XKR7: variants seen among roughly 807,000 people sequenced by gnomAD.
XKR7 encodes XK related 7.
XKR7 carries 11 observed loss-of-function variants against 42.2 expected under a neutral mutation model. The ratio of observed to expected loss-of-function variants is 0.26; its 90% confidence interval spans 0.16 to 0.43. The LOEUF (loss-of-function observed/expected upper bound fraction) is 0.43. XKR7 is among the 20% of genes least tolerant of loss of function. The probability of loss-of-function intolerance (pLI) is 1.00; values close to 1 mark genes in which losing one functional copy is unlikely to be tolerated. For missense variants in XKR7, 710 were observed against 802.2 expected (o/e 0.89, Z 1.39); for synonymous variants, 346 against 366.4 (o/e 0.94, Z 0.64).
chr20:31,986,938 G>A (rs956498791), intron 1 of XKR7, among the ~76,000 whole-genome samples: 3 of 126,958 alleles, frequency 2.4e-5, no homozygotes, highest in Non-Finnish European at 4.9e-5. Flanking sequence ...ACAAACAGAC[G>A]ACCAAGCAGA....
intron 1 of XKR7, among the ~76,000 whole-genome samples, chr20:31,974,071 T>C (rs566046638): frequency 1.2e-4 from 18 of 152,236 alleles, no homozygotes; most frequent in African/African-American, 4.3e-4. Context: ...TGCGCACCTG[T>C]AATCCCAGCT....
At chr20:31,986,799 G>A (rs2064543410) in intron 1 of XKR7, among the ~76,000 whole-genome samples, 2 of 122,742 alleles carry the variant, frequency 1.6e-5, no homozygotes, top group Admixed American at 8.7e-5. Flanking sequence ...CAGACAGACA[G>A]ACAGAGAGAC....
At position 31,968,733 on chromosome 20, in the gene XKR7, C is replaced by T. The variant is rs1202123672; in HGVS notation, c.558C>T (p.His186=). The change falls in exon 1 of 3, where the codon CAC becomes CAT. Residue 186 remains histidine, a synonymous_variant. Coordinates refer to ENST00000562532, the MANE Select transcript of XKR7 (RefSeq NM_001011718.2). The surrounding 1 kb of genome is among the most constrained non-coding windows in gnomAD (Gnocchi z 4.5). The part of the protein sequence containing the change: ...LCIWLLQTLV[H]LLQLGQVWRY... Reference sequence around the variant, plus strand: ...TCTGGCTGCTGCAGACCCTCGTCCACCTCCTGCAGCTCGGCCAGGTCTGGA... The same window carrying T: ...TCTGGCTGCTGCAGACCCTCGTCCATCTCCTGCAGCTCGGCCAGGTCTGGA... 8 of 1,544,794 alleles carry T rather than the reference C, an allele frequency of 5.2e-6. No individual in the cohort carries two copies. The African/African-American group carries it at 8.1e-5, about 16-fold the overall frequency.
chr20:31,974,214 A>G (rs6089135), intron 1 of XKR7, among the ~76,000 whole-genome samples: 17,436 of 152,042 alleles, frequency 0.11, 1,107 homozygotes, highest in Non-Finnish European at 0.14. Flanking sequence ...CATAAAAAAG[A>G]GAGAGAATAG....
intron 1 of XKR7, among the ~76,000 whole-genome samples, chr20:31,978,476 T>A (rs1374284223): frequency 6.6e-6 from 1 of 152,232 alleles, no homozygotes; most frequent in Non-Finnish European, 1.5e-5. Context: ...GTTGAGGAAA[T>A]GGGATAATGA....
At chr20:31,978,533 G>T (rs1018310397) in intron 1 of XKR7, among the ~76,000 whole-genome samples, 5 of 152,170 alleles carry the variant, frequency 3.3e-5, no homozygotes, top group Admixed American at 3.3e-4. Context: ...GGCCAACCTT[G>T]TTTTATCTAG....
At chr20:31,973,729 A>G (rs2064473950) in intron 1 of XKR7, among the ~76,000 whole-genome samples, 1 of 152,124 alleles carries the variant, frequency 6.6e-6, no homozygotes, top group African/African-American at 2.4e-5. Context: ...GCATGTTTGG[A>G]GATGCTGGTG....
chr20:31,974,391 G>A (rs1237937944), intron 1 of XKR7, among the ~76,000 whole-genome samples: 3 of 152,090 alleles, frequency 2.0e-5, no homozygotes, highest in African/African-American at 7.2e-5. Flanking sequence ...CTCTCCACTG[G>A]GGCCAGAGTT....
At chr20:31,981,979 C>T (rs1411347162) in intron 1 of XKR7, among the ~76,000 whole-genome samples, 1 of 152,244 alleles carries the variant, frequency 6.6e-6, no homozygotes, top group Non-Finnish European at 1.5e-5. Flanking sequence ...CTGACTGCCA[C>T]ACCCTTCCCA....
chr20:31,995,062 C>T lies in XKR7; in HGVS notation c.585-6C>T. ...CGGGAGCCTGAGCACCGCGTCCTTC[C>T]CGCAGGTACCTGCGCGCCCTGTACC... On this transcript the variant is annotated splice_polypyrimidine_tract_variant and splice_region_variant and intron_variant, in intron 1 of 2. Transcript: ENST00000562532. The surrounding 1 kb of genome is among the most constrained non-coding windows in gnomAD (Gnocchi z 4.1). 1.3e-6 allele frequency: 2 copies of T among 1,542,794 alleles called. No homozygotes were observed. The highest frequency in any genetic ancestry group is 2.0e-5 in the Admixed American group (1 of 50,492).
At chr20:31,978,946 C>G (rs937588661) in intron 1 of XKR7, among the ~76,000 whole-genome samples, 4 of 151,974 alleles carry the variant, frequency 2.6e-5, no homozygotes, top group Admixed American at 2.0e-4. Flanking sequence ...ACCAGCCTGG[C>G]CAACATGGTG....
rs1323188654 is a variant in XKR7 at position 31,998,790 on chromosome 20, G to C, written c.*1333G>C. 6.6e-6 allele frequency: 1 copy of C among 152,178 alleles called. No homozygotes were observed. The highest frequency in any genetic ancestry group is 6.5e-5 in the Admixed American group (1 of 15,286). 9.4% of individuals were successfully genotyped at this position (152,178 alleles called of 1,614,324 possible). A position where few individuals can be genotyped will look rare whatever the true frequency, so the allele number is the denominator to read the frequency against. On this transcript the variant is annotated 3_prime_UTR_variant, in exon 3 of 3. Coordinates refer to ENST00000562532, the MANE Select transcript of XKR7 (RefSeq NM_001011718.2). The stretch of plus-strand genomic sequence containing the variant: ...TGGCTCTCAGCCACTCTGCAAATGG[G>C]GCTCCCTGGAGCGGCATCTGGGAAA...
chr20:31,996,594 C>T lies in XKR7; in HGVS notation c.877C>T (p.Pro293Ser), dbSNP rs746853412. 8 of 1,551,646 alleles carry T rather than the reference C, an allele frequency of 5.2e-6. No homozygotes were observed. Among genetic ancestry groups the T allele is most frequent in the Non-Finnish European group, 7.0e-6 (8 of 1,151,038 alleles). Residue 293 changes from proline (P) to serine (S), a missense_variant, in exon 3 of 3, where the codon CCG (proline) becomes TCG (serine). Pro to Ser is a moderately conservative substitution (Grantham distance 74, BLOSUM62 -1). This residue lies in a region of XKR7 where 708 missense variants were observed against 786.2 expected (regional missense o/e 0.90). Transcript: ENST00000562532. ...GCGGGACTCGCGGGACGACAAGCGGCCGCTGTCCTACAAGGGCGCCGTGGC... is the reference window on the plus strand; with the variant it reads ...GCGGGACTCGCGGGACGACAAGCGGTCGCTGTCCTACAAGGGCGCCGTGGC... The part of the protein sequence containing the change: ...VLRDSRDDKR[P>S]LSYKGAVAQV...
intron 1 of XKR7, among the ~76,000 whole-genome samples, chr20:31,986,423 CACAG>C (rs1200529320): frequency 3.8e-4 from 51 of 134,756 alleles, no homozygotes; most frequent in African/African-American, 1.3e-3. Context: ...GCATCCAAGG[CACAG>C]ACAGACAGAC....
Position 31,968,885 on chromosome 20 carries a change from C to T in XKR7, c.584+126C>T. 1.5e-6 allele frequency: 2 copies of T among 1,372,296 alleles called. No homozygotes were observed. Among genetic ancestry groups the T allele is most frequent in the African/African-American group, 1.5e-5 (1 of 68,086 alleles). 85.0% of individuals were successfully genotyped at this position (1,372,296 alleles called of 1,614,324 possible). On this transcript the variant is annotated intron_variant, in intron 1 of 2. Transcript: ENST00000562532. This position sits in a 1 kb window ranked among gnomAD's most constrained non-coding sequence, Gnocchi z 4.5. ...CTGTCCTGACCTCCCCCCCTCCCCA[C>T]CCCATTGCAGCTCTAATTTCTTCTC...
chr20:31,988,953 A>G (rs752719000), intron 1 of XKR7, among the ~76,000 whole-genome samples: 4 of 152,184 alleles, frequency 2.6e-5, no homozygotes, highest in Non-Finnish European at 5.9e-5. Flanking sequence ...CTACTCAATA[A>G]TGCATCAGTG....
chr20:31,968,687 G>A lies in XKR7; in HGVS notation c.512G>A (p.Arg171His). The stretch of plus-strand genomic sequence containing the variant: ...CCCTCCTCGGCCAGCGCCTACCGCC[G>A]CCGCTGCTGCCGCCTCTGCATCTGG... ...PAPSSASAYRRRCCRLCIWLL... is the reference protein window; with the variant it reads ...PAPSSASAYRHRCCRLCIWLL... Residue 171 changes from arginine (R) to histidine (H), a missense_variant, in exon 1 of 3, where the codon CGC (arginine) becomes CAC (histidine). This residue lies in a region of XKR7 where 708 missense variants were observed against 786.2 expected (regional missense o/e 0.90). Coordinates refer to ENST00000562532, the MANE Select transcript of XKR7 (RefSeq NM_001011718.2). The surrounding 1 kb of genome is among the most constrained non-coding windows in gnomAD (Gnocchi z 4.5). The A allele has an allele frequency of 6.4e-7, 1 of 1,564,358 alleles. No homozygotes were observed. The highest frequency in any genetic ancestry group is 1.2e-5 in the South Asian group (1 of 86,864).
chr20:31,988,331 G>A (rs1387337231), intron 1 of XKR7, among the ~76,000 whole-genome samples: 1 of 152,190 alleles, frequency 6.6e-6, no homozygotes, highest in African/African-American at 2.4e-5. Flanking sequence ...TTCCCGTGAG[G>A]AGGGTAGGAT....
At chr20:31,982,056 A>G (rs974758332) in intron 1 of XKR7, among the ~76,000 whole-genome samples, 27 of 152,156 alleles carry the variant, frequency 1.8e-4, no homozygotes, top group Non-Finnish European at 3.4e-4. Context: ...CTCTGTTTGG[A>G]GCATTTCTGG....
Sources: gnomAD v4.1 joint callset for allele counts (sites outside exome capture counted in the v4.1 genomes callset) on GRCh38, gnomAD v4.1.1 for gene constraint, gnomAD v4.1.1 regional missense constraint, Gnocchi (gnomAD v3.1) non-coding constraint, MANE v1.5 for transcripts, NCBI Gene and HGNC (gene_info 2026-07-23, HGNC 2026-07-21) for gene names.